BDH1: variants seen among roughly 807,000 people sequenced by gnomAD.
BDH1 encodes the protein 3-hydroxybutyrate dehydrogenase 1.
Under a neutral mutation model 33.1 loss-of-function variants are expected in BDH1, and 30 were observed. That is an observed-to-expected ratio of 0.91 (90% CI 0.68 to 1.23). BDH1 has a LOEUF of 1.23. Ranked by LOEUF, BDH1 falls within the 50% of genes most tolerant of loss-of-function variation. The pLI, the probability that BDH1 is intolerant of heterozygous loss-of-function variation, is 0.00. For synonymous variants in BDH1, 190 were observed against 183.6 expected (o/e 1.03, Z -0.28); for missense variants, 443 against 464.4 (o/e 0.95, Z 0.42).
rs767417205 is a variant in BDH1, at chr3:197,511,970, G to C, written c.957C>G (p.Asp319Glu). 5.0e-6 allele frequency: 8 copies of C among 1,609,166 alleles called. No homozygotes were observed. Among genetic ancestry groups the C allele is most frequent in the Non-Finnish European group, 6.8e-6 (8 of 1,177,328 alleles). ...TCTGCATTCGCAGCCACCAGTAGTA[G>C]TCCATGGGGTGGTAGCGGGTGTAGG... ...TTPYTRYHPM[D>E]YYWWLRMQIM... Residue 319 changes from aspartate (D) to glutamate (E), a missense_variant, in exon 8 of 8, where the codon GAC becomes GAG. Asp to Glu is a conservative substitution (Grantham distance 45). Coordinates refer to ENST00000392379, the MANE Select transcript of BDH1 (RefSeq NM_203314.3).
chr3:197,518,476 C>T (rs1318168721), intron 6 of BDH1, among the ~76,000 whole-genome samples: 12 of 37,436 alleles, frequency 3.2e-4, no homozygotes, highest in African/African-American at 1.0e-3. Context: ...CTCAGGCTGA[C>T]CCCCCCGATC....
At chr3:197,544,598 G>A (rs748121584) in intron 3 of BDH1, among the ~76,000 whole-genome samples, 10 of 152,146 alleles carry the variant, frequency 6.6e-5, no homozygotes, top group African/African-American at 2.4e-4. Flanking sequence ...CTCCGTCCCC[G>A]CTCTGATGGC....
intron 2 of BDH1, among the ~76,000 whole-genome samples, chr3:197,547,607 C>T (rs993239779): frequency 6.6e-6 from 1 of 152,262 alleles, no homozygotes; most frequent in African/African-American, 2.4e-5. Flanking sequence ...TACTCCTGCC[C>T]CTATTTGCCA....
rs1373721389 is a variant in BDH1 at position 197,509,783 on chromosome 3, T to C, written c.*2112A>G. The C allele has an allele frequency of 6.6e-6, 1 of 152,140 alleles. No individual in the cohort carries two copies. Among genetic ancestry groups the C allele is most frequent in the Non-Finnish European group, 1.5e-5 (1 of 68,038 alleles). 9.4% of individuals were successfully genotyped at this position (152,140 alleles called of 1,614,324 possible). A position where few individuals can be genotyped will look rare whatever the true frequency, so the allele number is the denominator to read the frequency against. On this transcript the variant is annotated 3_prime_UTR_variant, in exon 8 of 8. Coordinates refer to ENST00000392379, the MANE Select transcript of BDH1 (RefSeq NM_203314.3). ...GGACGCACACGTGCAACTCCAAGGC[T>C]CCATCTATTTTCCTTTAATAAACTT...
chr3:197,510,633 T>G lies in BDH1; in HGVS notation c.*1262A>C, dbSNP rs1193190456. 1 of 34,788 alleles carries G rather than the reference T, an allele frequency of 2.9e-5. No homozygotes were observed. The highest frequency in any genetic ancestry group is 5.9e-5 in the Non-Finnish European group (1 of 16,880). The allele number at this position is 34,788 out of a possible 1,614,324, so 2.2% of individuals were successfully genotyped here. A position where few individuals can be genotyped will look rare whatever the true frequency, so the allele number is the denominator to read the frequency against. On this transcript the variant is annotated 3_prime_UTR_variant, in exon 8 of 8. Transcript: ENST00000392379. ...GTGTGTGTGTGTGTGTGTGTGTGTG[T>G]GTGTGTGTGTGTGTGTGTGTGTGTG...
At chr3:197,515,178 C>T (rs932327833) in intron 6 of BDH1, among the ~76,000 whole-genome samples, 2 of 152,232 alleles carry the variant, frequency 1.3e-5, no homozygotes. Flanking sequence ...AGCTGCTTTC[C>T]TTCCGTGTTA....
intron 3 of BDH1, among the ~76,000 whole-genome samples, chr3:197,534,604 T>C (rs868153788): frequency 2.6e-5 from 4 of 152,172 alleles, no homozygotes; most frequent in Non-Finnish European, 5.9e-5. Flanking sequence ...AGGGGTGTAA[T>C]TGCTGGGTCA....
At chr3:197,561,344 CA>C (rs1402182758) in intron 1 of BDH1, among the ~76,000 whole-genome samples, 1 of 152,132 alleles carries the variant, frequency 6.6e-6, no homozygotes, top group Non-Finnish European at 1.5e-5. Flanking sequence ...AACTCCCCCC[CA>C]CCTTTTTTTT....
intron 1 of BDH1, among the ~76,000 whole-genome samples, chr3:197,562,196 AG>A (rs897823660): frequency 1.7e-4 from 26 of 152,208 alleles, no homozygotes; most frequent in African/African-American, 6.0e-4. Flanking sequence ...CACAGTTTAC[AG>A]GAAGTGGTCT....
intron 3 of BDH1, among the ~76,000 whole-genome samples, chr3:197,535,492 A>G (rs1008628207): frequency 3.3e-5 from 5 of 152,176 alleles, no homozygotes; most frequent in African/African-American, 7.2e-5. Context: ...TAGAGAAATT[A>G]CTTCTGCCTT....
chr3:197,556,484 A>T (rs760535680), upstream of BDH1, among the ~76,000 whole-genome samples: 1 of 152,076 alleles, frequency 6.6e-6, no homozygotes, highest in Non-Finnish European at 1.5e-5. Flanking sequence ...CCTGGCCAAC[A>T]TGGTGAAAAC....
chr3:197,522,953 A>G lies in BDH1; in HGVS notation c.268-172T>C, dbSNP rs1438209712. On this transcript the variant is annotated intron_variant, in intron 5 of 7. Coordinates refer to ENST00000392379, the MANE Select transcript of BDH1 (RefSeq NM_203314.3). The surrounding 1 kb of genome is among the most constrained non-coding windows in gnomAD (Gnocchi z 4.8). ...CATGCGGTTCTTTTTAATCCTGAGC[A>G]CTGATGACCTATCAAGCATCAAGCT... 6.1e-6 allele frequency: 4 copies of G among 651,016 alleles called. No individual in the cohort carries two copies. Among genetic ancestry groups the G allele is most frequent in the Non-Finnish European group, 5.2e-6 (2 of 387,308 alleles). The allele number at this position is 651,016 out of a possible 1,614,324, so 40.3% of individuals were successfully genotyped here.
intron 2 of BDH1, among the ~76,000 whole-genome samples, chr3:197,548,155 T>C (rs528445559): frequency 6.6e-6 from 1 of 152,198 alleles, no homozygotes; most frequent in Non-Finnish European, 1.5e-5. Context: ...AAAGTCGGCC[T>C]GTGGCCACAA....
upstream of BDH1, among the ~76,000 whole-genome samples, chr3:197,560,248 A>AG (rs989527205): frequency 1.3e-5 from 2 of 152,378 alleles, no homozygotes; most frequent in African/African-American, 4.8e-5. Context: ...AAAATCTGCT[A>AG]GCCTTAATAA....
chr3:197,522,518 G>A lies in BDH1; in HGVS notation c.409+122C>T. ...TCTTCCTCCTACTGTGCAGGAGGAAGAGCCTAAACAATAAGGAAGGGAGTG... is the reference window on the plus strand; with the variant it reads ...TCTTCCTCCTACTGTGCAGGAGGAAAAGCCTAAACAATAAGGAAGGGAGTG... On this transcript the variant is annotated intron_variant, in intron 6 of 7. Transcript: ENST00000392379. This position sits in a 1 kb window ranked among gnomAD's most constrained non-coding sequence, Gnocchi z 4.8. 7.9e-7 allele frequency: 1 copy of A among 1,271,976 alleles called. No homozygotes were observed. The highest frequency in any genetic ancestry group is 1.1e-6 in the Non-Finnish European group (1 of 906,580). The allele number at this position is 1,271,976 out of a possible 1,614,324, so 78.8% of individuals were successfully genotyped here. A position where few individuals can be genotyped will look rare whatever the true frequency, so the allele number is the denominator to read the frequency against.
In BDH1 at chr3:197,514,588, G is replaced by T. The variant is rs1712487972; in HGVS notation, c.410-172C>A. On this transcript the variant is annotated intron_variant, in intron 6 of 7. Coordinates refer to ENST00000392379, the MANE Select transcript of BDH1 (RefSeq NM_203314.3). This position sits in a 1 kb window ranked among gnomAD's most constrained non-coding sequence, Gnocchi z 4.2. ...CTCAGGAACGACAGGAGGTAAAGAGGCCTAAAGTGCTGACTGCAGCCCTCC... is the reference window on the plus strand; with the variant it reads ...CTCAGGAACGACAGGAGGTAAAGAGTCCTAAAGTGCTGACTGCAGCCCTCC... Among the ~76,000 whole-genome samples the T allele has an allele frequency of 1.3e-5, 2 of 152,096 alleles. No individual in the cohort carries two copies. Among genetic ancestry groups the T allele is most frequent in the South Asian group, 2.1e-4 (1 of 4,812 alleles).
chr3:197,568,292 T>G (rs2686106), intron 1 of BDH1, among the ~76,000 whole-genome samples: 118,338 of 147,518 alleles, frequency 0.8, 46,669 homozygotes, highest in East Asian at 0.99. Flanking sequence ...GTTTTGTGGG[T>G]TTTTTTTTTT....
In BDH1 at chr3:197,512,102, C is replaced by G. The variant is rs1215335182; in HGVS notation, c.825G>C (p.Lys275Asn). The change falls in exon 8 of 8, where the codon AAG becomes AAC. Residue 275 changes from lysine (K) to asparagine (N), a missense_variant. By Grantham distance (94) the Lys-to-Asn change is moderately conservative. Transcript: ENST00000392379. ...PEVVRKDYGKKYFDEKIAKME... is the reference protein window; with the variant it reads ...PEVVRKDYGKNYFDEKIAKME... ...TCTTGGCGATCTTTTCATCAAAGTA[C>G]TTCTTGCCGTAGTCCTTGCGCACGA... 6.2e-7 allele frequency: 1 copy of G among 1,614,128 alleles called. No homozygotes were observed. Among genetic ancestry groups the G allele is most frequent in the African/African-American group, 1.3e-5 (1 of 74,944 alleles).
At chr3:197,533,237 A>G (rs59125265) in intron 4 of BDH1, among the ~76,000 whole-genome samples, 2 of 148,534 alleles carry the variant, frequency 1.3e-5, no homozygotes, top group Admixed American at 6.7e-5. Context: ...CTCGCCCCCC[A>G]CCTAGGCCTC....
Sources: allele counts gnomAD v4.1 joint callset (sites outside exome capture counted in the v4.1 genomes callset), GRCh38; gene constraint gnomAD v4.1.1; non-coding constraint Gnocchi (gnomAD v3.1); transcripts MANE v1.5; gene names NCBI Gene and HGNC (gene_info 2026-07-23, HGNC 2026-07-21).